GLIS3: variants seen among roughly 807,000 people sequenced by gnomAD.
GLIS3 encodes zinc finger protein GLIS3.
Under a neutral mutation model 78.6 loss-of-function variants are expected in GLIS3, and 53 were observed. The ratio of observed to expected loss-of-function variants is 0.67; its 90% CI spans 0.54 to 0.85. The LOEUF (loss-of-function observed/expected upper bound fraction) is 0.85. Among genes scored for constraint, GLIS3 ranks in the 40% least tolerant of loss-of-function variants. The probability of loss-of-function intolerance (pLI) is 0.00; values close to 1 mark genes in which losing one functional copy is unlikely to be tolerated. For synonymous variants in GLIS3, 684 were observed against 509.9 expected (o/e 1.34, Z -4.60); for missense variants, 1,703 against 1,231.1 (o/e 1.38, Z -5.74).
intron 4 of GLIS3, among the ~76,000 whole-genome samples, chr9:3,970,482 A>C (rs1051136501): frequency 6.6e-6 from 1 of 152,196 alleles, no homozygotes; most frequent in African/African-American, 2.4e-5. Flanking sequence ...TTATTTTGTC[A>C]ACCTAAAAGT....
chr9:4,148,585 G>C (rs1202955160), intron 2 of GLIS3, among the ~76,000 whole-genome samples: 3 of 151,840 alleles, frequency 2.0e-5, no homozygotes, highest in African/African-American at 4.8e-5. Flanking sequence ...AGGCCCATGA[G>C]GACAGGGACT....
the GLIS3 span, among the ~76,000 whole-genome samples, chr9:4,478,287 T>C: frequency 1.3e-5 from 2 of 152,078 alleles, no homozygotes; most frequent in East Asian, 1.9e-4. Context: ...AAAACACATA[T>C]AAATCCATGT....
intron 4 of GLIS3, chr9:3,975,092 C>T (rs952761394): frequency 2.6e-5 from 4 of 152,054 alleles, no homozygotes; most frequent in Admixed American, 2.6e-4. Flanking sequence ...TGAAAAAGGA[C>T]ATTAAACAAT....
the GLIS3 span, among the ~76,000 whole-genome samples, chr9:4,473,457 C>CAAAAAAAAAAAA: frequency 4.9e-5 from 3 of 60,610 alleles, no homozygotes; most frequent in African/African-American, 1.3e-4. Context: ...ACAACAACAA[C>CAAAAAAAAAAAA]AACAAAAAAA....
intron 2 of GLIS3, among the ~76,000 whole-genome samples, chr9:4,344,777 C>T (rs1010130126): frequency 1.3e-5 from 2 of 152,234 alleles, no homozygotes; most frequent in African/African-American, 4.8e-5. Flanking sequence ...CAATCTTCCC[C>T]ACTGCAGGAA....
intron 2 of GLIS3, among the ~76,000 whole-genome samples, chr9:4,150,654 C>T (rs549684893): frequency 3.3e-5 from 5 of 152,276 alleles, no homozygotes; most frequent in Admixed American, 2.0e-4. Flanking sequence ...TCAAGGGTTT[C>T]CCTCATAAGA....
intron 7 of GLIS3, among the ~76,000 whole-genome samples, chr9:3,890,155 T>A (rs1244311130): frequency 1.3e-5 from 2 of 152,192 alleles, no homozygotes; most frequent in Non-Finnish European, 2.9e-5. Flanking sequence ...CATTTCTCCT[T>A]TCTTCCACCT....
At chr9:4,005,621 T>C (rs1425765256) in intron 4 of GLIS3, among the ~76,000 whole-genome samples, 3 of 152,200 alleles carry the variant, frequency 2.0e-5, no homozygotes, top group East Asian at 1.9e-4. Flanking sequence ...ACCAAATTAA[T>C]TGTACGTGTA....
chr9:4,226,590 T>C (rs1821787833), intron 2 of GLIS3, among the ~76,000 whole-genome samples: 1 of 152,178 alleles, frequency 6.6e-6, no homozygotes, highest in African/African-American at 2.4e-5. Context: ...ATGATATGGC[T>C]TCCTGCTTCC....
chr9:4,116,492 G>A (rs1224592025), intron 4 of GLIS3, among the ~76,000 whole-genome samples: 2 of 152,178 alleles, frequency 1.3e-5, no homozygotes, highest in South Asian at 2.1e-4. Context: ...GACAAGAAAT[G>A]CAATTCCATT....
intron 2 of GLIS3, among the ~76,000 whole-genome samples, chr9:4,202,788 T>A (rs1404215389): frequency 6.6e-6 from 1 of 152,196 alleles, no homozygotes; most frequent in East Asian, 1.9e-4. Flanking sequence ...GAAGTGGGAC[T>A]CTTTCTGTTC....
chr9:4,391,348 G>C, the GLIS3 span, among the ~76,000 whole-genome samples: 9 of 152,266 alleles, frequency 5.9e-5, no homozygotes, highest in Admixed American at 2.0e-4. Context: ...AAGATTGCTT[G>C]TCTAGTCTAT....
chr9:4,101,138 G>T (rs1416137280), intron 4 of GLIS3, among the ~76,000 whole-genome samples: 1 of 152,208 alleles, frequency 6.6e-6, no homozygotes, highest in East Asian at 1.9e-4. Context: ...GTACTTACTG[G>T]TGTATGACCT....
At chr9:4,443,539 G>C in the GLIS3 span, among the ~76,000 whole-genome samples, 1 of 152,186 alleles carries the variant, frequency 6.6e-6, no homozygotes, top group Admixed American at 6.5e-5. Flanking sequence ...TCAAGGGAAA[G>C]CAGTGTCACC....
At chr9:4,029,056 GAAAAA>G (rs1206836444) in intron 4 of GLIS3, among the ~76,000 whole-genome samples, 1 of 151,768 alleles carries the variant, frequency 6.6e-6, no homozygotes, top group Non-Finnish European at 1.5e-5. Flanking sequence ...GTAGAAAGAA[GAAAAA>G]AAGATCTAAT....
At chr9:4,112,159 C>G (rs1586701806) in intron 4 of GLIS3, among the ~76,000 whole-genome samples, 1 of 152,160 alleles carries the variant, frequency 6.6e-6, no homozygotes, top group South Asian at 2.1e-4. Context: ...TGGTTCAGCA[C>G]AAGACTCCTC....
At chr9:4,462,212 G>A in the GLIS3 span, among the ~76,000 whole-genome samples, 1 of 152,150 alleles carries the variant, frequency 6.6e-6, no homozygotes, top group Non-Finnish European at 1.5e-5. Flanking sequence ...ACACCTACAA[G>A]ATCACTATTC....
At chr9:4,378,257 A>C in the GLIS3 span, among the ~76,000 whole-genome samples, 9 of 152,164 alleles carry the variant, frequency 5.9e-5, no homozygotes, top group African/African-American at 2.2e-4. Flanking sequence ...TAGAAAATAA[A>C]ATTACATAAT....
At chr9:4,477,079 T>C in the GLIS3 span, among the ~76,000 whole-genome samples, 8 of 152,058 alleles carry the variant, frequency 5.3e-5, no homozygotes, top group Non-Finnish European at 1.0e-4. Flanking sequence ...CCCAAAATAA[T>C]TTAAAGCAGG....
Sources: gnomAD v4.1 joint callset for allele counts (sites outside exome capture counted in the v4.1 genomes callset) on GRCh38, gnomAD v4.1.1 for gene constraint, MANE v1.5 for transcripts, NCBI Gene and HGNC (gene_info 2026-07-23, HGNC 2026-07-21) for gene names.